LOC400499: variants seen among roughly 807,000 people sequenced by gnomAD.
chr16:11,403,736 C>T, the LOC400499 span, among the ~76,000 whole-genome samples: 99 of 152,276 alleles, frequency 6.5e-4, no homozygotes, highest in Middle Eastern at 6.8e-3. Flanking sequence ...GCCCAGGCCA[C>T]AAATTACAGC....
the LOC400499 span, among the ~76,000 whole-genome samples, chr16:11,473,639 C>T: frequency 6.6e-6 from 1 of 152,034 alleles, no homozygotes; most frequent in South Asian, 2.1e-4. Context: ...CCTGTAGCCC[C>T]AGCTACTTGG....
chr16:11,387,638 A>G, the LOC400499 span, among the ~76,000 whole-genome samples: 10 of 151,380 alleles, frequency 6.6e-5, no homozygotes, highest in Non-Finnish European at 1.5e-4. Flanking sequence ...GGTCTAGGAA[A>G]TTTTGTTTTT....
the LOC400499 span, among the ~76,000 whole-genome samples, chr16:11,418,346 G>C: frequency 1.3e-5 from 2 of 152,258 alleles, no homozygotes; most frequent in South Asian, 4.1e-4. Context: ...CGACATAGGA[G>C]GTCAGCACAA....
At chr16:11,493,511 T>C in the LOC400499 span, 2 of 388,400 alleles carry the variant, frequency 5.1e-6, no homozygotes, top group Non-Finnish European at 9.1e-6. Flanking sequence ...CTGTTCACAC[T>C]AGTACCCAGC....
the LOC400499 span, among the ~76,000 whole-genome samples, chr16:11,517,304 T>C: frequency 1.3e-5 from 2 of 152,132 alleles, no homozygotes; most frequent in African/African-American, 4.8e-5. Context: ...CTCAGCACTC[T>C]GGGGAGCCTT....
the LOC400499 span, among the ~76,000 whole-genome samples, chr16:11,428,170 CT>C: frequency 6.6e-6 from 1 of 152,024 alleles, no homozygotes; most frequent in Non-Finnish European, 1.5e-5. Flanking sequence ...CATGCCTCCC[CT>C]TTGTGTTTAT....
At chr16:11,463,074 C>T in the LOC400499 span, among the ~76,000 whole-genome samples, 7 of 152,170 alleles carry the variant, frequency 4.6e-5, no homozygotes, top group South Asian at 2.1e-4. Context: ...TGAAGGCCAG[C>T]GAGGCCAGAA....
At chr16:11,461,102 C>A in the LOC400499 span, 1 of 1,535,586 alleles carries the variant, frequency 6.5e-7, no homozygotes, top group Admixed American at 2.0e-5. Flanking sequence ...CCATTCTCCT[C>A]CTTCCTCTCC....
chr16:11,439,618 CAG>C, the LOC400499 span: 1 of 399,022 alleles, frequency 2.5e-6, no homozygotes, highest in South Asian at 1.3e-4. Context: ...TCAGAGGGAA[CAG>C]AGAGAGAGAT....
chr16:11,383,977 G>A, the LOC400499 span: 1 of 1,231,844 alleles, frequency 8.1e-7, no homozygotes, highest in Non-Finnish European at 1.0e-6. Flanking sequence ...CTCCTGCTGA[G>A]GCTTCTCAGT....
At chr16:11,462,314 C>A in the LOC400499 span, 1 of 1,465,112 alleles carries the variant, frequency 6.8e-7, no homozygotes, top group Non-Finnish European at 9.0e-7. Flanking sequence ...CTGAAACGGC[C>A]TCAGTGTCAC....
the LOC400499 span, among the ~76,000 whole-genome samples, chr16:11,409,506 C>G: frequency 6.6e-6 from 1 of 152,168 alleles, no homozygotes; most frequent in Admixed American, 6.5e-5. Context: ...CTGCAACCCC[C>G]ACAACATTTT....
the LOC400499 span, among the ~76,000 whole-genome samples, chr16:11,455,183 G>T: frequency 6.6e-6 from 1 of 152,130 alleles, no homozygotes; most frequent in African/African-American, 2.4e-5. Context: ...AGCTATGTAA[G>T]ACATTTATAG....
the LOC400499 span, among the ~76,000 whole-genome samples, chr16:11,510,617 G>A: frequency 6.6e-6 from 1 of 151,628 alleles, no homozygotes; most frequent in Admixed American, 6.6e-5. Flanking sequence ...CCAGGAGGGT[G>A]TCAGCCTCAG....
the LOC400499 span, among the ~76,000 whole-genome samples, chr16:11,468,763 G>A: frequency 6.6e-6 from 1 of 152,104 alleles, no homozygotes; most frequent in African/African-American, 2.4e-5. Context: ...AGGTAGCTCG[G>A]ATTACAGGCA....
At chr16:11,386,215 C>G in the LOC400499 span, among the ~76,000 whole-genome samples, 1 of 151,986 alleles carries the variant, frequency 6.6e-6, no homozygotes, top group Admixed American at 6.5e-5. Context: ...GGAGGTCTGA[C>G]CAGTCTAGCC....
the LOC400499 span, among the ~76,000 whole-genome samples, chr16:11,468,546 G>A: frequency 6.6e-6 from 1 of 152,050 alleles, no homozygotes; most frequent in African/African-American, 2.4e-5. Context: ...GGTTTATCTC[G>A]AACTCCTACC....
At chr16:11,505,634 T>C in the LOC400499 span, among the ~76,000 whole-genome samples, 18 of 151,740 alleles carry the variant, frequency 1.2e-4, no homozygotes, top group Non-Finnish European at 2.5e-4. Flanking sequence ...TTTGTAGAGA[T>C]GGGCTCTCTC....
At chr16:11,447,777 G>C in the LOC400499 span, among the ~76,000 whole-genome samples, 2 of 152,224 alleles carry the variant, frequency 1.3e-5, no homozygotes, top group South Asian at 2.1e-4. Context: ...TTTCAGGGGA[G>C]GTGGCTCTTC....
Sources: allele counts gnomAD v4.1 joint callset (sites outside exome capture counted in the v4.1 genomes callset), GRCh38; gene constraint gnomAD v4.1.1; transcripts MANE v1.5.